RICTOR: variants seen among roughly 807,000 people sequenced by gnomAD.
RICTOR encodes the protein RPTOR independent companion of MTOR complex 2, also known as rapamycin-insensitive companion of mTOR.
Under a neutral mutation model 214.9 loss-of-function variants are expected in RICTOR, and 49 were observed. The ratio of observed to expected loss-of-function variants is 0.23; its 90% CI spans 0.18 to 0.29. The LOEUF is 0.29. RICTOR is among the 10% of genes least tolerant of loss of function. The probability of loss-of-function intolerance (pLI) is 1.00; values close to 1 mark genes in which losing one functional copy is unlikely to be tolerated. For missense variants in RICTOR, 1,625 were observed against 2,047.0 expected, an observed-to-expected ratio of 0.79 and a Z score of 3.98; for synonymous variants, 717 against 711.3, an observed-to-expected ratio of 1.01 and a Z score of -0.13.
At chr5:38,975,420 T>C (rs1751126550) in intron 10 of RICTOR, 117 bp downstream of exon 10, 1 of 699,440 alleles carries the variant, frequency 1.4e-6, no homozygotes, top group African/African-American at 1.8e-5. Flanking sequence ...CTAATAATAA[T>C]ATACAAAGTA....
At chr5:38,991,276 G>C (rs1752755247) in intron 6 of RICTOR, among the ~76,000 whole-genome samples, 2 of 152,064 alleles carry the variant, frequency 1.3e-5, no homozygotes, top group South Asian at 4.1e-4. Flanking sequence ...CATTACTATG[G>C]AAAATGTGTT....
chr5:38,975,733 G>C, intron 9 of RICTOR, 129 bp from the exon 10 acceptor site: 1 of 680,434 alleles, frequency 1.5e-6, no homozygotes, highest in Non-Finnish European at 2.5e-6. Flanking sequence ...ATTAAAACAA[G>C]ACAAAGATCA....
chr5:38,945,369 G>C (rs909690991), intron 34 of RICTOR, 122 bp downstream of exon 34: 3 of 675,142 alleles, frequency 4.4e-6, no homozygotes, highest in Non-Finnish European at 5.1e-6. Context: ...TGGCATATCA[G>C]TGTGCTGCAG....
intron 3 of RICTOR, among the ~76,000 whole-genome samples, chr5:39,015,475 G>A (rs1580105587): frequency 6.6e-6 from 1 of 151,748 alleles, no homozygotes; most frequent in Non-Finnish European, 1.5e-5. Flanking sequence ...GGGCAATTTT[G>A]TCTCCCAGGG....
intron 7 of RICTOR, among the ~76,000 whole-genome samples, chr5:38,985,307 A>G (rs1368021689): frequency 6.6e-6 from 1 of 152,144 alleles, no homozygotes. Flanking sequence ...ATTACTTACA[A>G]TACCCTACAA....
intron 2 of RICTOR, among the ~76,000 whole-genome samples, chr5:39,068,770 A>G (rs766623807): frequency 2.6e-5 from 4 of 152,234 alleles, no homozygotes; most frequent in Non-Finnish European, 5.9e-5. Context: ...AGAGGAGTTT[A>G]GCAATACAAC....
intron 7 of RICTOR, among the ~76,000 whole-genome samples, chr5:38,986,890 C>T (rs200849131): frequency 1.3e-5 from 2 of 152,110 alleles, no homozygotes; most frequent in East Asian, 1.9e-4. Flanking sequence ...TTTTGAAATA[C>T]GTTCCATCAA....
At chr5:39,003,386 G>C (rs775465940) in intron 4 of RICTOR, among the ~76,000 whole-genome samples, 172 bp downstream of exon 4, 8 of 152,056 alleles carry the variant, frequency 5.3e-5, no homozygotes, top group Non-Finnish European at 1.0e-4. Flanking sequence ...ATATCACAAA[G>C]ACTCACAAAA....
At chr5:38,956,367 A>C (rs549654536) in intron 25 of RICTOR, among the ~76,000 whole-genome samples, 35 of 152,234 alleles carry the variant, frequency 2.3e-4, no homozygotes, top group African/African-American at 7.5e-4. Context: ...GGATGATATA[A>C]TATGGCTTAC....
At chr5:39,034,575 G>A (rs1756521333) in intron 2 of RICTOR, among the ~76,000 whole-genome samples, 1 of 152,224 alleles carries the variant, frequency 6.6e-6, no homozygotes, top group South Asian at 2.1e-4. Flanking sequence ...GTCAAAGAAA[G>A]GGGTGACAGA....
chr5:38,952,723 A>T (rs7705092), intron 29 of RICTOR, among the ~76,000 whole-genome samples: 145,819 of 152,018 alleles, frequency 0.96, 70,042 homozygotes, highest in East Asian at 0.99. Flanking sequence ...GCTGGGTTAC[A>T]GGAATACTGG....
rs533886765 is a variant in RICTOR, at chr5:39,036,110, C to T, written c.98-14974G>A. Among the ~76,000 whole-genome samples, 12 of 152,338 alleles carry T rather than the reference C, an allele frequency of 7.9e-5. No homozygotes were observed. In the East Asian group the frequency reaches 1.5e-3, roughly 20 times the overall value. On this transcript the variant is annotated intron_variant, in intron 2 of 37. Coordinates refer to ENST00000357387, the MANE Select transcript of RICTOR (RefSeq NM_152756.5). ...AAAGGGAAGCCCATCAGACTAACAG[C>T]GGATCTCTCCGCAGAAACTCAACAA...
At chr5:39,008,412 G>A (rs1024998305) in intron 3 of RICTOR, among the ~76,000 whole-genome samples, 3 of 152,082 alleles carry the variant, frequency 2.0e-5, no homozygotes, top group African/African-American at 7.2e-5. Flanking sequence ...GAGGCTTAGA[G>A]AGGTTAATAT....
At chr5:39,020,513 C>A (rs1755337154) in intron 3 of RICTOR, among the ~76,000 whole-genome samples, 1 of 152,122 alleles carries the variant, frequency 6.6e-6, no homozygotes, top group East Asian at 1.9e-4. Context: ...ATTTTTTAAT[C>A]AATATTTTTA....
At chr5:39,038,756 C>T (rs1756934286) in intron 2 of RICTOR, among the ~76,000 whole-genome samples, 1 of 152,152 alleles carries the variant, frequency 6.6e-6, no homozygotes, top group Non-Finnish European at 1.5e-5. Flanking sequence ...ATCCAACTTA[C>T]AAGGGATGTG....
intron 2 of RICTOR, among the ~76,000 whole-genome samples, chr5:39,070,100 T>C (rs1759200983): frequency 6.6e-6 from 1 of 152,212 alleles, no homozygotes; most frequent in African/African-American, 2.4e-5. Flanking sequence ...GTTCAGTCAA[T>C]GTCCATTTTG....
rs780512319 is a variant in RICTOR, at chr5:39,074,113, C to T, written c.95G>A (p.Arg32Gln). 5.1e-6 allele frequency: 8 copies of T among 1,574,234 alleles called. No individual in the cohort carries two copies. Among genetic ancestry groups the T allele is most frequent in the Non-Finnish European group, 6.9e-6 (8 of 1,163,144 alleles). Reference protein sequence around the residue: ...GEENVPLDLTREPSDNLREIL... With the variant: ...GEENVPLDLTQEPSDNLREIL... ...GCGCCCGCGGCGCCCCGCGTTACCTCGGGTCAGATCCAGCGGGACGTTCTC... is the reference window on the plus strand; with the variant it reads ...GCGCCCGCGGCGCCCCGCGTTACCTTGGGTCAGATCCAGCGGGACGTTCTC... Residue 32 changes from arginine (R) to glutamine (Q), a missense_variant and splice_region_variant, in exon 2 of 38, where the codon CGA becomes CAA. Around this residue, in one of 5 missense-constraint regions of RICTOR, gnomAD observed 71 missense variants for 57.9 expected, o/e 1.23. Coordinates refer to ENST00000357387, the MANE Select transcript of RICTOR (RefSeq NM_152756.5).
rs1451905059 is a variant in RICTOR at position 38,944,978 on chromosome 5, C to T, written c.4724G>A (p.Gly1575Glu). 2 of 1,613,762 alleles carry T rather than the reference C, an allele frequency of 1.2e-6. No homozygotes were observed. Among genetic ancestry groups the T allele is most frequent in the Admixed American group, 1.7e-5 (1 of 59,982 alleles). ...VVPSKFSGIS[G>E]CSDGVSQEGS... ...TTCTTGAGACACCCCATCACTGCAT[C>T]CAGAAATCCCCGAAAACTTAGAGGG... is the stretch of plus-strand genomic sequence containing the variant. Residue 1575 changes from glycine to glutamate, a missense_variant, in exon 35 of 38, where the codon GGA (glycine) becomes GAA (glutamate). Around this residue, in one of 5 missense-constraint regions of RICTOR, gnomAD observed 1,214 missense variants for 1,470.5 expected, o/e 0.83. Transcript: ENST00000357387.
chr5:38,941,384 C>T lies in RICTOR; in HGVS notation c.*920G>A, dbSNP rs990071223. ...ATGGAATGTGTAAATTGCAAGCAAA[C>T]TTATCTTTTCCTCAGGAGATCCAAA... On this transcript the variant is annotated 3_prime_UTR_variant, in exon 38 of 38. Coordinates refer to ENST00000357387, the MANE Select transcript of RICTOR (RefSeq NM_152756.5). 11 of 231,618 alleles carry T rather than the reference C, an allele frequency of 4.7e-5. No homozygotes were observed. Among genetic ancestry groups the T allele is most frequent in the Non-Finnish European group, 9.4e-5 (11 of 116,944 alleles). The allele number at this position is 231,618 out of a possible 1,614,324, so 14.3% of individuals were successfully genotyped here.
Sources: allele counts gnomAD v4.1 joint callset (sites outside exome capture counted in the v4.1 genomes callset), GRCh38; gene constraint gnomAD v4.1.1; regional missense constraint gnomAD v4.1.1; transcripts MANE v1.5; gene names NCBI Gene and HGNC (gene_info 2026-07-23, HGNC 2026-07-21).